The following SLX9 variants were observed in gnomAD, a reference collection of about 807,000 sequenced individuals.
The protein encoded by SLX9 is ribosome biogenesis protein SLX9 homolog.
In SLX9, 19 loss-of-function variants were observed where a neutral mutation model predicts 20.8. The ratio of observed to expected loss-of-function variants is 0.91; its 90% CI spans 0.64 to 1.34. The LOEUF (loss-of-function observed/expected upper bound fraction) is 1.34, where lower values mean the gene tolerates loss of function less well. Among genes scored for constraint, SLX9 ranks in the 40% most tolerant of loss-of-function variants. The pLI, the probability that SLX9 is intolerant of heterozygous loss-of-function variation, is 0.00. For synonymous variants in SLX9, 113 were observed against 137.1 expected, an observed-to-expected ratio of 0.82 and a Z score of 1.23; for missense variants, 299 against 322.2, an observed-to-expected ratio of 0.93 and a Z score of 0.55.
chr21:44,946,215 C>A lies in SLX9; in HGVS notation c.283+2378C>A, dbSNP rs187302337. Among the ~76,000 whole-genome samples, 136 of 151,906 alleles carry A rather than the reference C, an allele frequency of 9.0e-4. 2 individuals are homozygous for A. The highest frequency in any genetic ancestry group is 3.1e-3 in the African/African-American group (129 of 41,156). ...AATAAGTTGAAAAAATTTGAAGATT[C>A]TATTGTTTGTGAGTCTGTTGGGTAA... On this transcript the variant is annotated intron_variant, in intron 2 of 5. Transcript: ENST00000291634.
intron 5 of SLX9, among the ~76,000 whole-genome samples, chr21:44,976,477 C>A (rs1485584062): frequency 2.0e-5 from 3 of 152,230 alleles, no homozygotes; most frequent in Non-Finnish European, 4.4e-5. Context: ...TGGGCGCTGC[C>A]AGGGCTCTGG....
At position 44,945,627 on chromosome 21, in the gene SLX9, C is replaced by T. The variant is rs142221034; in HGVS notation, c.283+1790C>T. On this transcript the variant is annotated intron_variant, in intron 2 of 5. Transcript: ENST00000291634. ...TCTTTAGCAACATCTGGCCTCGCAGCGTTCTTGGGCTGAGGTCGTGCCCAG... is the reference window on the plus strand; with the variant it reads ...TCTTTAGCAACATCTGGCCTCGCAGTGTTCTTGGGCTGAGGTCGTGCCCAG... 3.9e-5 allele frequency among the ~76,000 whole-genome samples: 6 copies of T among 152,370 alleles called. No individual in the cohort carries two copies. The East Asian group carries it at 5.8e-4, about 15-fold the overall frequency.
chr21:44,948,885 C>T (rs1459229837), intron 2 of SLX9, among the ~76,000 whole-genome samples: 13 of 152,174 alleles, frequency 8.5e-5, no homozygotes, highest in Admixed American at 5.9e-4. Context: ...AGGCGTGGAG[C>T]GGTGAAGTGT....
At position 44,973,199 on chromosome 21, in the gene SLX9, G is replaced by C. The variant is rs756800162; in HGVS notation, c.503G>C (p.Arg168Thr). Residue 168 changes from arginine to threonine, a missense_variant and splice_region_variant, in exon 5 of 6, where the codon AGG (arginine) becomes ACG (threonine). Transcript: ENST00000291634. The part of the protein sequence containing the change: ...EAGSRRQARS[R>T]ESNKPRPSEL... ...ACGTGGCTTCTCTGTGTCCACAGCA[G>C]GGAGAGCAACAAGCCCCGGCCCTCA... 7 of 1,613,116 alleles carry C rather than the reference G, an allele frequency of 4.3e-6. No individual in the cohort carries two copies. Among genetic ancestry groups the C allele is most frequent in the Non-Finnish European group, 5.1e-6 (6 of 1,179,754 alleles).
intron 4 of SLX9, chr21:44,969,353 T>C (rs1227339716): frequency 2.5e-6 from 1 of 396,702 alleles, no homozygotes; most frequent in Non-Finnish European, 5.4e-6. Flanking sequence ...TTCCCTGTTT[T>C]CAGTTTTCTC....
chr21:44,972,172 T>C (rs2085162956), intron 4 of SLX9, among the ~76,000 whole-genome samples: 1 of 152,130 alleles, frequency 6.6e-6, no homozygotes, highest in South Asian at 2.1e-4. Context: ...CCCGCCGTCG[T>C]CTGGGTCCCA....
chr21:44,948,936 G>A (rs559357588), intron 2 of SLX9, among the ~76,000 whole-genome samples: 9 of 152,320 alleles, frequency 5.9e-5, no homozygotes, highest in East Asian at 5.8e-4. Flanking sequence ...GCAGGCCAGC[G>A]CCAAGCCACC....
At chr21:44,950,340 A>G (rs1340513864) in intron 2 of SLX9, among the ~76,000 whole-genome samples, 1 of 152,156 alleles carries the variant, frequency 6.6e-6, no homozygotes, top group Non-Finnish European at 1.5e-5. Context: ...TCTACTCCCA[A>G]GTTAAAATAA....
intron 2 of SLX9, among the ~76,000 whole-genome samples, chr21:44,957,359 C>T (rs567523828): frequency 2.2e-4 from 34 of 152,312 alleles, no homozygotes; most frequent in African/African-American, 7.5e-4. Flanking sequence ...TCCCCACACG[C>T]TGCTCGTGAG....
chr21:44,967,592 G>C (rs146674502), intron 4 of SLX9, among the ~76,000 whole-genome samples: 1 of 152,108 alleles, frequency 6.6e-6, no homozygotes, highest in African/African-American at 2.4e-5. Context: ...TGCTCTTCTC[G>C]TGCCTCTGAC....
rs1045595371 is a variant in SLX9, at chr21:44,960,637, C to G, written c.352+469C>G. Among the ~76,000 whole-genome samples the G allele has an allele frequency of 8.5e-5, 13 of 152,256 alleles. 1 individual carries two copies. Among genetic ancestry groups the G allele is most frequent in the Admixed American group, 8.5e-4 (13 of 15,286 alleles). On this transcript the variant is annotated intron_variant, in intron 3 of 5. Coordinates refer to ENST00000291634, the MANE Select transcript of SLX9 (RefSeq NM_058190.4). The stretch of plus-strand genomic sequence containing the variant: ...TTCCAGGCCTTGCCCGCGGTGAAAA[C>G]AGTGTCTGCGCATAGCGGCGTGGGT...
chr21:44,954,538 A>T lies in SLX9; in HGVS notation c.284-5562A>T, dbSNP rs11911762. On this transcript the variant is annotated intron_variant, in intron 2 of 5. Transcript: ENST00000291634. ...CCACCCTCAGGTCCTGGGAGAAGGG[A>T]GTCGAGGTGAGCCGTTTGCCTTTCC... Among the ~76,000 whole-genome samples, 928 of 152,184 alleles carry T rather than the reference A, an allele frequency of 6.1e-3. 10 individuals are homozygous for T. Among genetic ancestry groups the T allele is most frequent in the African/African-American group, 0.021 (876 of 41,526 alleles).
chr21:44,973,227 G>C lies in SLX9; in HGVS notation c.531G>C (p.Glu177Asp), dbSNP rs923862118. The change falls in exon 5 of 6, where the codon GAG (glutamate) becomes GAC (aspartate). Residue 177 changes from glutamate to aspartate, a missense_variant. By Grantham distance (45) the Glu-to-Asp change is conservative. Transcript: ENST00000291634. The stretch of plus-strand genomic sequence containing the variant: ...AGAGCAACAAGCCCCGGCCCTCAGA[G>C]CTCAGCCGGATGAGCGCAGCCCAGA... ...SRESNKPRPS[E>D]LSRMSAAQRQ... 2 of 1,612,964 alleles carry C rather than the reference G, an allele frequency of 1.2e-6. No individual in the cohort carries two copies. Among genetic ancestry groups the C allele is most frequent in the Non-Finnish European group, 1.7e-6 (2 of 1,179,766 alleles).
At chr21:44,949,185 C>A (rs1256446661) in intron 2 of SLX9, among the ~76,000 whole-genome samples, 1 of 152,200 alleles carries the variant, frequency 6.6e-6, no homozygotes, top group East Asian at 1.9e-4. Flanking sequence ...TCCCGAGCCC[C>A]GACTTGGCTG....
At chr21:44,952,470 G>A (rs2084776011) in intron 2 of SLX9, among the ~76,000 whole-genome samples, 1 of 152,258 alleles carries the variant, frequency 6.6e-6, no homozygotes, top group African/African-American at 2.4e-5. Context: ...TCCCGGGGCC[G>A]CCTTCCATCA....
intron 2 of SLX9, among the ~76,000 whole-genome samples, chr21:44,952,936 A>G (rs1422363065): frequency 6.6e-6 from 1 of 152,120 alleles, no homozygotes; most frequent in Non-Finnish European, 1.5e-5. Flanking sequence ...AGTGTTTTCA[A>G]ATGGAAACTT....
At chr21:44,947,479 C>A (rs1294262305) in intron 2 of SLX9, among the ~76,000 whole-genome samples, 2 of 152,166 alleles carry the variant, frequency 1.3e-5, no homozygotes, top group East Asian at 1.9e-4. Context: ...CCTCCTCCCC[C>A]ACTCTAGCCC....
chr21:44,959,107 G>T, intron 2 of SLX9: 1 of 604,364 alleles, frequency 1.7e-6, no homozygotes, highest in Non-Finnish European at 2.1e-6. Context: ...ATTAAATCCT[G>T]CGGGAGCCCT....
chr21:44,962,278 G>T (rs2084959513), intron 3 of SLX9, among the ~76,000 whole-genome samples: 1 of 152,066 alleles, frequency 6.6e-6, no homozygotes, highest in African/African-American at 2.4e-5. Context: ...TCAGGTTATG[G>T]ACCATCACCA....
Sources: allele counts gnomAD v4.1 joint callset (sites outside exome capture counted in the v4.1 genomes callset), GRCh38; gene constraint gnomAD v4.1.1; transcripts MANE v1.5; gene names NCBI Gene and HGNC (gene_info 2026-07-23, HGNC 2026-07-21).